Variants in CHD7 observed in about 807,000 individuals in gnomAD.
The protein encoded by CHD7 is ATP-dependent chromatin remodeler CHD7.
CHD7 carries 24 observed loss-of-function variants against 307.3 expected under a neutral mutation model. The ratio of observed to expected loss-of-function variants is 0.08; its 90% CI spans 0.06 to 0.11. CHD7 has a LOEUF of 0.11. CHD7 is among the 10% of genes least tolerant of loss of function. The pLI is 1.00. For missense variants in CHD7, 3,106 were observed against 3,727.1 expected, an observed-to-expected ratio of 0.83 and a Z score of 4.34; for synonymous variants, 1,363 against 1,349.9, an observed-to-expected ratio of 1.01 and a Z score of -0.21.
intron 36 of CHD7, 29 bp from the exon 37 acceptor site, chr8:60,862,519 T>G (rs1301304894): frequency 1.1e-5 from 17 of 1,544,382 alleles, no homozygotes; most frequent in Non-Finnish European, 1.5e-5. Flanking sequence ...GACTGTGTTT[T>G]TAATCATTTG....
At chr8:60,809,034 A>G (rs1812668763) in intron 7 of CHD7, 1 of 152,176 alleles carries the variant, frequency 6.6e-6, no homozygotes, top group African/African-American at 2.4e-5. Flanking sequence ...ATATTAATAC[A>G]TTCTTAGGGC....
intron 25 of CHD7, 60 bp from the exon 26 acceptor site, chr8:60,850,433 C>T: frequency 1.3e-6 from 2 of 1,553,126 alleles, no homozygotes; most frequent in Non-Finnish European, 1.8e-6. Flanking sequence ...GTGATTTTGC[C>T]AGTGATGGGG....
At chr8:60,801,441 TG>T in intron 5 of CHD7, 86 bp from the exon 6 acceptor site, 2 of 929,076 alleles carry the variant, frequency 2.2e-6, no homozygotes, top group African/African-American at 1.6e-5. Context: ...GGTGTGGAGG[TG>T]GTAGCAAAGG....
At chr8:60,743,997 G>A (rs1269924033) in intron 2 of CHD7, among the ~76,000 whole-genome samples, 1 of 152,184 alleles carries the variant, frequency 6.6e-6, no homozygotes, top group African/African-American at 2.4e-5. Flanking sequence ...CAATTTTGGG[G>A]AAATAAGACT....
chr8:60,821,275 C>CTATT (rs1804020381), intron 9 of CHD7, among the ~76,000 whole-genome samples: 1 of 152,132 alleles, frequency 6.6e-6, no homozygotes, highest in Non-Finnish European at 1.5e-5. Flanking sequence ...TTCAGCTTTG[C>CTATT]TATTTGCTAG....
chr8:60,845,775 A>G (rs1339530720), intron 23 of CHD7, among the ~76,000 whole-genome samples: 1 of 152,244 alleles, frequency 6.6e-6, no homozygotes, highest in Non-Finnish European at 1.5e-5. Flanking sequence ...TTATAAGTGA[A>G]CAATTCATTG....
chr8:60,864,725 C>G (rs1323843248), intron 37 of CHD7: 1 of 373,064 alleles, frequency 2.7e-6, no homozygotes, highest in African/African-American at 2.0e-5. Context: ...TATTTTTGTA[C>G]CCCATAATGT....
At position 60,856,184 on chromosome 8, in the gene CHD7, G is replaced by A. The variant is rs1450918582; in HGVS notation, c.7146G>A (p.Thr2382=). The change falls in exon 33 of 38, where the codon ACG becomes ACA. Residue 2382 remains threonine, a synonymous_variant. Transcript: ENST00000423902. ...ASISGSEDIT[T]SPQLSKEDAL... is the part of the protein sequence containing the mutation. ...TTAGTGGGAGTGAGGACATCACTAC[G>A]TCTCCTCAGTTGTCAAAGGTGAATT... The A allele has an allele frequency of 2.1e-5, 33 of 1,592,022 alleles. No homozygotes were observed. Among genetic ancestry groups the A allele is most frequent in the South Asian group, 1.6e-4 (14 of 87,720 alleles).
At chr8:60,738,563 TG>T (rs1220404534) in intron 1 of CHD7, among the ~76,000 whole-genome samples, 1 of 152,112 alleles carries the variant, frequency 6.6e-6, no homozygotes, top group Non-Finnish European at 1.5e-5. Context: ...CTTGGGAAAG[TG>T]GGCATTCAGA....
chr8:60,692,364 T>C (rs1806239853), intron 1 of CHD7, among the ~76,000 whole-genome samples: 1 of 152,234 alleles, frequency 6.6e-6, no homozygotes, highest in Non-Finnish European at 1.5e-5. Context: ...TTTATTTTCA[T>C]TTCTACCACT....
At chr8:60,785,054 G>A (rs1811432757) in intron 3 of CHD7, among the ~76,000 whole-genome samples, 1 of 152,206 alleles carries the variant, frequency 6.6e-6, no homozygotes, top group Admixed American at 6.5e-5. Flanking sequence ...CATGTGGAAG[G>A]ATTCATGGAG....
chr8:60,862,141 A>G (rs1806025901), intron 35 of CHD7, 55 bp from the exon 36 acceptor site: 1 of 1,403,890 alleles, frequency 7.1e-7, no homozygotes, highest in Non-Finnish European at 9.8e-7. Context: ...GCATTTATAT[A>G]GAGAAGAATA....
intron 3 of CHD7, among the ~76,000 whole-genome samples, chr8:60,787,829 CTTTT>C (rs33993174): frequency 4.6e-5 from 5 of 108,818 alleles, no homozygotes; most frequent in Non-Finnish European, 5.7e-5. Context: ...GATTTTCTTT[CTTTT>C]TTTTTTTTTT....
chr8:60,780,194 G>C (rs563199116), intron 2 of CHD7, among the ~76,000 whole-genome samples: 1 of 152,118 alleles, frequency 6.6e-6, no homozygotes, highest in Non-Finnish European at 1.5e-5. Flanking sequence ...TCTGATCTTG[G>C]CTGACCACTC....
At chr8:60,789,956 A>T (rs1309218762) in intron 3 of CHD7, among the ~76,000 whole-genome samples, 2 of 152,204 alleles carry the variant, frequency 1.3e-5, no homozygotes, top group Non-Finnish European at 2.9e-5. Flanking sequence ...CCTTGGTGCC[A>T]TTGGGGGTGA....
intron 13 of CHD7, 34 bp downstream of exon 13, chr8:60,824,050 G>A: frequency 6.3e-7 from 1 of 1,580,186 alleles, no homozygotes; most frequent in East Asian, 2.3e-5. Flanking sequence ...CACTGAACCT[G>A]AATAGAATTG....
chr8:60,764,897 G>A (rs1187638064), intron 2 of CHD7, among the ~76,000 whole-genome samples: 1 of 152,200 alleles, frequency 6.6e-6, no homozygotes, highest in African/African-American at 2.4e-5. Flanking sequence ...AGCAAATGTT[G>A]CAATATTGCC....
At chr8:60,855,158 T>G (rs572038735) in intron 32 of CHD7, 2 of 152,316 alleles carry the variant, frequency 1.3e-5, no homozygotes, top group African/African-American at 4.8e-5. Flanking sequence ...TGAGCTTCAG[T>G]CAGCCTACCC....
rs559854318 is a variant in CHD7, at chr8:60,705,333, A to G, written c.-175+26251A>G. On this transcript the variant is annotated intron_variant, in intron 1 of 37. Coordinates refer to ENST00000423902, the MANE Select transcript of CHD7 (RefSeq NM_017780.4). ...TTTTCTCTGCAAAGTAGGAAATGAA[A>G]TTACTTGTTTATGTCTTGCTTCTTT... Among the ~76,000 whole-genome samples, 5 of 152,352 alleles carry G rather than the reference A, an allele frequency of 3.3e-5. No homozygotes were observed. In the East Asian group the frequency reaches 9.6e-4, roughly 29 times the overall value.
Sources: gnomAD v4.1 joint callset for allele counts (sites outside exome capture counted in the v4.1 genomes callset) on GRCh38, gnomAD v4.1.1 for gene constraint, MANE v1.5 for transcripts, NCBI Gene and HGNC (gene_info 2026-07-23, HGNC 2026-07-21) for gene names.